DZIP1: variants seen among roughly 807,000 people sequenced by gnomAD.
The protein encoded by DZIP1 is DAZ interacting zinc finger protein 1.
In DZIP1, 97 loss-of-function variants were observed where a neutral mutation model predicts 107.6. That is an observed-to-expected ratio of 0.90 (90% CI 0.77 to 1.07). The LOEUF (loss-of-function observed/expected upper bound fraction) is 1.07, where lower values mean the gene tolerates loss of function less well. Ranked by LOEUF, DZIP1 falls within the 50% of genes least tolerant of loss-of-function variation. The pLI, the probability that DZIP1 is intolerant of heterozygous loss-of-function variation, is 0.00. For synonymous variants in DZIP1, 390 were observed against 386.4 expected, an observed-to-expected ratio of 1.01 and a Z score of -0.11; for missense variants, 1,035 against 1,063.6, an observed-to-expected ratio of 0.97 and a Z score of 0.37.
At chr13:95,635,790 A>G (rs959503028) in intron 5 of DZIP1, among the ~76,000 whole-genome samples, 1 of 152,210 alleles carries the variant, frequency 6.6e-6, no homozygotes, top group Non-Finnish European at 1.5e-5. Flanking sequence ...TCAAACTGCA[A>G]TACGGCCACT....
intron 14 of DZIP1, among the ~76,000 whole-genome samples, chr13:95,603,729 A>G (rs2044689593): frequency 6.6e-6 from 1 of 152,198 alleles, no homozygotes; most frequent in Non-Finnish European, 1.5e-5. Flanking sequence ...GGGGATGGGA[A>G]TCAAGCATGA....
chr13:95,613,821 G>A (rs945845323), intron 10 of DZIP1, among the ~76,000 whole-genome samples: 6 of 152,194 alleles, frequency 3.9e-5, no homozygotes, highest in African/African-American at 9.7e-5. Flanking sequence ...TGAGACAGCC[G>A]AAGGTGGGCA....
chr13:95,628,074 T>C (rs895290801), intron 7 of DZIP1, among the ~76,000 whole-genome samples: 1 of 152,012 alleles, frequency 6.6e-6, no homozygotes, highest in Non-Finnish European at 1.5e-5. Context: ...TGGGGTCTCA[T>C]TCTGTAGCCA....
intron 14 of DZIP1, among the ~76,000 whole-genome samples, chr13:95,600,629 T>TAGATAGATAGACAGACAGAC (rs147121754): frequency 1.2e-3 from 183 of 147,556 alleles, no homozygotes; most frequent in African/African-American, 2.2e-3. Flanking sequence ...GATAGATAGA[T>TAGATAGATAGACAGACAGAC]AGACAGACAG....
chr13:95,625,639 G>A (rs1379764212), intron 7 of DZIP1, among the ~76,000 whole-genome samples: 3 of 152,076 alleles, frequency 2.0e-5, no homozygotes, highest in African/African-American at 7.2e-5. Context: ...GAAGGGAACT[G>A]GAAAAGTAGC....
chr13:95,591,888 C>T (rs2044321090), intron 16 of DZIP1, among the ~76,000 whole-genome samples: 1 of 151,810 alleles, frequency 6.6e-6, no homozygotes, highest in Non-Finnish European at 1.5e-5. Flanking sequence ...GAAGAATTAC[C>T]AATAAATTTT....
intron 7 of DZIP1, among the ~76,000 whole-genome samples, chr13:95,625,510 A>G (rs1012656437): frequency 1.3e-5 from 2 of 152,232 alleles, no homozygotes; most frequent in African/African-American, 4.8e-5. Flanking sequence ...GTGCACATGG[A>G]ATATTTACCA....
intron 19 of DZIP1, among the ~76,000 whole-genome samples, chr13:95,588,409 A>G (rs1161417446): frequency 2.0e-5 from 3 of 152,208 alleles, no homozygotes; most frequent in African/African-American, 7.2e-5. Flanking sequence ...TTATGTCATC[A>G]ATATCTCCAG....
intron 13 of DZIP1, among the ~76,000 whole-genome samples, chr13:95,608,449 T>G (rs963003848): frequency 2.8e-5 from 2 of 71,926 alleles, no homozygotes; most frequent in African/African-American, 9.0e-5. Context: ...AGACTTGGGT[T>G]TTTTTTTTTT....
At chr13:95,630,386 G>T (rs1305783289) in intron 6 of DZIP1, among the ~76,000 whole-genome samples, 2 of 152,104 alleles carry the variant, frequency 1.3e-5, no homozygotes, top group Non-Finnish European at 1.5e-5. Context: ...TCTTCAGGGA[G>T]CAATAATGGT....
In DZIP1 at chr13:95,640,568, T is replaced by TA. The variant is rs796178095; in HGVS notation, c.597+726dup. Among the ~76,000 whole-genome samples, 80 of 147,434 alleles carry TA rather than the reference T, an allele frequency of 5.4e-4. 1 individual carries two copies. The highest frequency in any genetic ancestry group is 1.2e-3 in the East Asian group (6 of 5,094). ...TTCTGCACTTCCTCCAACTAGTCAA[T>TA]AAAAAAAAAATACATTGGTTTATGT... On this transcript the variant is annotated intron_variant, in intron 5 of 22. Transcript: ENST00000376829.
At chr13:95,585,161 T>C (rs555225080) in intron 21 of DZIP1, among the ~76,000 whole-genome samples, 1 of 152,334 alleles carries the variant, frequency 6.6e-6, no homozygotes, top group Non-Finnish European at 1.5e-5. Flanking sequence ...CAATCATGAA[T>C]GTAGAAAATT....
At chr13:95,593,646 G>T (rs1273000054) in intron 16 of DZIP1, among the ~76,000 whole-genome samples, 2 of 152,194 alleles carry the variant, frequency 1.3e-5, no homozygotes, top group Non-Finnish European at 2.9e-5. Context: ...TTCATTACTA[G>T]CTGTGAGACA....
Position 95,628,868 on chromosome 13 carries a change from G to T in DZIP1, c.810+1121C>A, listed in dbSNP as rs574144757. On this transcript the variant is annotated intron_variant, in intron 7 of 22. Coordinates refer to ENST00000376829, the MANE Select transcript of DZIP1 (RefSeq NM_198968.4). The stretch of plus-strand genomic sequence containing the variant: ...AGAGAGGGAAAGTAGCTGGAAGGAG[G>T]GGGGAGTGGAGCACTGTTTAATGGG... Among the ~76,000 whole-genome samples, 9 of 152,240 alleles carry T rather than the reference G, an allele frequency of 5.9e-5. No individual in the cohort carries two copies. In the East Asian group the frequency reaches 1.3e-3, roughly 23 times the overall value.
chr13:95,612,024 C>T lies in DZIP1; in HGVS notation c.1314+13G>A. The T allele has an allele frequency of 6.2e-7, 1 of 1,611,910 alleles. No homozygotes were observed. ...CTTAAAGAAGCACGGTGCCACACTG[C>T]CGCCAGACATACCTGCTGTCTCTGA... On this transcript the variant is annotated intron_variant, in intron 11 of 22. Coordinates refer to ENST00000376829, the MANE Select transcript of DZIP1 (RefSeq NM_198968.4).
At chr13:95,630,656 A>T (rs1877087094) in intron 6 of DZIP1, 1 of 1,163,580 alleles carries the variant, frequency 8.6e-7, no homozygotes, top group South Asian at 1.6e-5. Context: ...TGAGGTACTG[A>T]AAAGTTGTAA....
At chr13:95,634,006 T>C (rs931531903) in intron 5 of DZIP1, among the ~76,000 whole-genome samples, 2 of 152,220 alleles carry the variant, frequency 1.3e-5, no homozygotes, top group Admixed American at 6.5e-5. Flanking sequence ...AAACTACCTC[T>C]TGACAGTTAA....
chr13:95,615,797 T>TG (rs769828889), intron 10 of DZIP1, among the ~76,000 whole-genome samples: 16 of 152,206 alleles, frequency 1.1e-4, no homozygotes, highest in Non-Finnish European at 2.1e-4. Context: ...CCAGTGACCG[T>TG]GGGCAACACA....
At chr13:95,618,299 G>C (rs1384454604) in intron 10 of DZIP1, among the ~76,000 whole-genome samples, 2 of 152,122 alleles carry the variant, frequency 1.3e-5, no homozygotes, top group African/African-American at 2.4e-5. Flanking sequence ...CATAGCAGAT[G>C]CTCAGTAAAT....
Sources: allele counts gnomAD v4.1 joint callset (sites outside exome capture counted in the v4.1 genomes callset), GRCh38; gene constraint gnomAD v4.1.1; transcripts MANE v1.5; gene names NCBI Gene and HGNC (gene_info 2026-07-23, HGNC 2026-07-21).